Variants in AFG1L observed in about 807,000 individuals in gnomAD.
AFG1L encodes the protein AFG1-like ATPase.
A neutral mutation model predicts 62.2 loss-of-function variants in AFG1L; 53 were observed. That is an observed-to-expected ratio of 0.85 (90% CI 0.68 to 1.07). AFG1L has a LOEUF of 1.07. AFG1L is among the 50% of genes least tolerant of loss of function. The pLI is 0.00. For synonymous variants in AFG1L, 228 were observed against 210.3 expected, an observed-to-expected ratio of 1.08 and a Z score of -0.73; for missense variants, 555 against 590.5, an observed-to-expected ratio of 0.94 and a Z score of 0.62.
At chr6:108,332,650 G>A (rs1435745508) in intron 2 of AFG1L, among the ~76,000 whole-genome samples, 2 of 152,004 alleles carry the variant, frequency 1.3e-5, no homozygotes, top group Non-Finnish European at 2.9e-5. Flanking sequence ...GAGTTTTGCC[G>A]TGTTGCCCAG....
intron 10 of AFG1L, among the ~76,000 whole-genome samples, chr6:108,484,794 C>T (rs1773459165): frequency 6.6e-6 from 1 of 151,986 alleles, no homozygotes; most frequent in Non-Finnish European, 1.5e-5. Flanking sequence ...TTATTTTGTT[C>T]TGATATTTTA....
intron 1 of AFG1L, among the ~76,000 whole-genome samples, chr6:108,297,705 C>T (rs1184060349): frequency 6.6e-6 from 1 of 151,254 alleles, no homozygotes; most frequent in African/African-American, 2.4e-5. Context: ...AAATACAAAA[C>T]TTAGCCGGGT....
chr6:108,432,987 G>A (rs1771141221), intron 7 of AFG1L, among the ~76,000 whole-genome samples: 1 of 152,126 alleles, frequency 6.6e-6, no homozygotes, highest in South Asian at 2.1e-4. Flanking sequence ...TGGTTGTCGT[G>A]GTTACAATCA....
intron 11 of AFG1L, among the ~76,000 whole-genome samples, chr6:108,510,662 G>A (rs1001006257): frequency 6.6e-6 from 1 of 152,228 alleles, no homozygotes; most frequent in Admixed American, 6.5e-5. Context: ...CTATATGAAT[G>A]ATTGCATCAT....
intron 2 of AFG1L, among the ~76,000 whole-genome samples, chr6:108,335,241 G>A (rs1011956712): frequency 6.6e-6 from 1 of 151,258 alleles, no homozygotes; most frequent in South Asian, 2.1e-4. Flanking sequence ...AAAACGTTGG[G>A]ATTACAGGTG....
At chr6:108,383,637 C>G (rs911501870) in intron 6 of AFG1L, among the ~76,000 whole-genome samples, 2 of 152,060 alleles carry the variant, frequency 1.3e-5, no homozygotes, top group Non-Finnish European at 2.9e-5. Flanking sequence ...AGGAAAAAGT[C>G]CTTTGGTTAT....
intron 3 of AFG1L, among the ~76,000 whole-genome samples, chr6:108,352,960 T>C (rs897038517): frequency 6.6e-6 from 1 of 152,158 alleles, no homozygotes; most frequent in African/African-American, 2.4e-5. Flanking sequence ...ACTGTAACAT[T>C]TTATGTATAT....
chr6:108,357,942 C>T (rs1779358076), intron 5 of AFG1L, among the ~76,000 whole-genome samples: 1 of 152,154 alleles, frequency 6.6e-6, no homozygotes, highest in Non-Finnish European at 1.5e-5. Context: ...TTACACTAAA[C>T]CATCTGGGGA....
chr6:108,470,254 C>T (rs1774298118), intron 8 of AFG1L, among the ~76,000 whole-genome samples: 1 of 152,244 alleles, frequency 6.6e-6, no homozygotes, highest in Non-Finnish European at 1.5e-5. Context: ...AAGTCGTCAT[C>T]CTCTTCTTTC....
At chr6:108,411,255 C>T (rs573437435) in intron 7 of AFG1L, among the ~76,000 whole-genome samples, 22 of 152,322 alleles carry the variant, frequency 1.4e-4, no homozygotes, top group African/African-American at 3.8e-4. Context: ...GTAAACAAAG[C>T]GTCCTGGAAG....
intron 3 of AFG1L, among the ~76,000 whole-genome samples, chr6:108,349,721 G>T (rs1779007278): frequency 6.6e-6 from 1 of 152,016 alleles, no homozygotes; most frequent in African/African-American, 2.4e-5. Context: ...TTTGAGACTA[G>T]CCTGGACAAC....
chr6:108,315,242 A>G (rs1298915296), intron 1 of AFG1L, among the ~76,000 whole-genome samples: 1 of 152,114 alleles, frequency 6.6e-6, no homozygotes, highest in Non-Finnish European at 1.5e-5. Context: ...TGCATCAACT[A>G]TATAAACTTC....
chr6:108,421,137 T>A (rs1229997662), intron 7 of AFG1L, among the ~76,000 whole-genome samples: 2 of 152,140 alleles, frequency 1.3e-5, no homozygotes, highest in Non-Finnish European at 2.9e-5. Flanking sequence ...ATTTAGATCA[T>A]GAAAAGAAAG....
chr6:108,365,490 T>G (rs867726135), intron 5 of AFG1L, among the ~76,000 whole-genome samples: 5 of 97,996 alleles, frequency 5.1e-5, no homozygotes, highest in African/African-American at 9.8e-5. Context: ...GTGGTTTTTT[T>G]TGTTTTTTTT....
intron 6 of AFG1L, among the ~76,000 whole-genome samples, chr6:108,390,940 G>A (rs1022078775): frequency 6.6e-6 from 1 of 152,170 alleles, no homozygotes; most frequent in Non-Finnish European, 1.5e-5. Context: ...CTCACGCTGG[G>A]AGCTGTAGAC....
chr6:108,389,242 C>T (rs1780932928), intron 6 of AFG1L, among the ~76,000 whole-genome samples: 3 of 152,114 alleles, frequency 2.0e-5, no homozygotes, highest in African/African-American at 7.2e-5. Flanking sequence ...AGATCTTCCT[C>T]CATCCTTTTA....
At chr6:108,355,178 C>T (rs973504862) in intron 3 of AFG1L, among the ~76,000 whole-genome samples, 1 of 150,564 alleles carries the variant, frequency 6.6e-6, no homozygotes, top group Non-Finnish European at 1.5e-5. Context: ...TGGGCTCAGG[C>T]AATTCTCCCA....
At chr6:108,517,495 A>G (rs1364367499) in intron 11 of AFG1L, among the ~76,000 whole-genome samples, 1 of 152,226 alleles carries the variant, frequency 6.6e-6, no homozygotes, top group Non-Finnish European at 1.5e-5. Flanking sequence ...CTTATGCAAA[A>G]ATTAATTCAA....
At chr6:108,377,258 T>C (rs1239815276) in intron 6 of AFG1L, among the ~76,000 whole-genome samples, 1 of 152,230 alleles carries the variant, frequency 6.6e-6, no homozygotes, top group Non-Finnish European at 1.5e-5. Context: ...AAGGTTAATA[T>C]TGATATGTGA....
Sources: gnomAD v4.1 joint callset for allele counts (sites outside exome capture counted in the v4.1 genomes callset) on GRCh38, gnomAD v4.1.1 for gene constraint, MANE v1.5 for transcripts, NCBI Gene and HGNC (gene_info 2026-07-23, HGNC 2026-07-21) for gene names.